The following AP5Z1 variants were observed in gnomAD, a reference collection of about 807,000 sequenced individuals.
AP5Z1 encodes the protein adaptor related protein complex 5 subunit zeta 1.
Under a neutral mutation model 83.0 loss-of-function variants are expected in AP5Z1, and 106 were observed. That is an observed-to-expected ratio of 1.28 (90% CI 1.09 to 1.50). The LOEUF (loss-of-function observed/expected upper bound fraction) is 1.50. AP5Z1 is among the 40% of genes most tolerant of loss of function. AP5Z1 has a pLI of 0.00. For missense variants in AP5Z1, 1,565 were observed against 1,094.2 expected, an observed-to-expected ratio of 1.43 and a Z score of -6.07; for synonymous variants, 751 against 514.1, an observed-to-expected ratio of 1.46 and a Z score of -6.23.
chr7:4,782,868 C>T (rs1359001582), intron 3 of AP5Z1, among the ~76,000 whole-genome samples: 2 of 152,224 alleles, frequency 1.3e-5, no homozygotes, highest in Non-Finnish European at 2.9e-5. Context: ...GCCTCCCAGC[C>T]ACCCAGCCGC....
chr7:4,782,845 C>T (rs924664040), intron 3 of AP5Z1, among the ~76,000 whole-genome samples: 9 of 152,236 alleles, frequency 5.9e-5, no homozygotes, highest in African/African-American at 1.4e-4. Context: ...GTGCACCCCC[C>T]GCCCGGCACG....
Position 4,785,058 on chromosome 7 carries a change from C to G in AP5Z1, c.931+10C>G. ...GAGCAAAGTAACCGACGTGAGTCCC[C>G]CACCCAGGGCACTGGCCTCCCCAGG... On this transcript the variant is annotated intron_variant, in intron 7 of 16. Coordinates refer to ENST00000649063, the MANE Select transcript of AP5Z1 (RefSeq NM_014855.3). 1 of 1,586,632 alleles carries G rather than the reference C, an allele frequency of 6.3e-7. No individual in the cohort carries two copies. Among genetic ancestry groups the G allele is most frequent in the Non-Finnish European group, 8.6e-7 (1 of 1,162,750 alleles).
chr7:4,790,806 C>T lies in AP5Z1; in HGVS notation c.2072C>T (p.Pro691Leu). 1.9e-6 allele frequency: 3 copies of T among 1,609,274 alleles called. No homozygotes were observed. The highest frequency in any genetic ancestry group is 1.7e-6 in the Non-Finnish European group (2 of 1,178,870). ...VTQCRPSAAL[P>L]RCPPQVVTVL... ...CAGTGCCGCCCCTCTGCTGCCCTGC[C>T]CAGGTGTCCCCCCCAGGTGGTCACC... Residue 691 changes from proline to leucine, a missense_variant, in exon 16 of 17, where the codon CCC (proline) becomes CTC (leucine). Physicochemically the swap from Pro to Leu is moderately conservative, Grantham distance 98. Coordinates refer to ENST00000649063, the MANE Select transcript of AP5Z1 (RefSeq NM_014855.3).
At chr7:4,787,128 T>C (rs1583235472) in intron 10 of AP5Z1, among the ~76,000 whole-genome samples, 1 of 152,134 alleles carries the variant, frequency 6.6e-6, no homozygotes, top group South Asian at 2.1e-4. Flanking sequence ...TAAGGTCTTT[T>C]CAACTGAGGT....
intron 2 of AP5Z1, 112 bp downstream of exon 2, chr7:4,781,424 C>A: frequency 6.4e-7 from 1 of 1,562,910 alleles, no homozygotes; most frequent in South Asian, 1.2e-5. Flanking sequence ...CATTTGTCCA[C>A]TTAAACCAGT....
intron 14 of AP5Z1, 200 bp downstream of exon 14, chr7:4,790,129 C>A: frequency 1.4e-6 from 2 of 1,415,488 alleles, no homozygotes; most frequent in Non-Finnish European, 1.9e-6. Flanking sequence ...ACATTCCCGT[C>A]CTTCTTTCTG....
chr7:4,790,891 C>T lies in AP5Z1; in HGVS notation c.2153+4C>T. On this transcript the variant is annotated splice_donor_region_variant and intron_variant, in intron 16 of 16. Transcript: ENST00000649063. ...GGAGCCAAGATCTGATCCCCAGGTG[C>T]CTGGTCAGGGAGGGAGCGAAGCCTT... The T allele has an allele frequency of 6.3e-7, 1 of 1,596,592 alleles. No individual in the cohort carries two copies. The highest frequency in any genetic ancestry group is 8.5e-7 in the Non-Finnish European group (1 of 1,172,530).
In AP5Z1 at chr7:4,789,937, C is replaced by A; in HGVS notation, c.1805+8C>A. On this transcript the variant is annotated splice_region_variant and intron_variant, in intron 14 of 16. Coordinates refer to ENST00000649063, the MANE Select transcript of AP5Z1 (RefSeq NM_014855.3). Reference sequence around the variant, plus strand: ...CGCTGCCGGTGTGCACAGGTAGGTCCCTCCTGCGCTCCTGCCACAGCCCTG... The same window carrying A: ...CGCTGCCGGTGTGCACAGGTAGGTCACTCCTGCGCTCCTGCCACAGCCCTG... 1 of 1,525,224 alleles carries A rather than the reference C, an allele frequency of 6.6e-7. No homozygotes were observed. Among genetic ancestry groups the A allele is most frequent in the Non-Finnish European group, 8.8e-7 (1 of 1,130,778 alleles). 94.5% of individuals were successfully genotyped at this position (1,525,224 alleles called of 1,614,324 possible).
intron 6 of AP5Z1, among the ~76,000 whole-genome samples, chr7:4,784,645 C>T (rs1461119145): frequency 1.3e-5 from 2 of 152,168 alleles, no homozygotes; most frequent in Non-Finnish European, 2.9e-5. Flanking sequence ...TTAAGGCAGG[C>T]ACCCTTAAGG....
intron 13 of AP5Z1, among the ~76,000 whole-genome samples, chr7:4,789,368 C>T (rs1012030984): frequency 6.6e-6 from 1 of 152,126 alleles, no homozygotes; most frequent in African/African-American, 2.4e-5. Flanking sequence ...AGTTTGTCCC[C>T]CTGCTGCCCC....
At chr7:4,787,441 GCAC>G (rs1781582749) in intron 10 of AP5Z1, among the ~76,000 whole-genome samples, 190 bp from the exon 11 acceptor site, 1 of 152,068 alleles carries the variant, frequency 6.6e-6, no homozygotes, top group Non-Finnish European at 1.5e-5. Flanking sequence ...AGCTATGATT[GCAC>G]CACTGCACTC....
intron 11 of AP5Z1, 151 bp from the exon 12 acceptor site, chr7:4,788,003 C>T (rs574100914): frequency 2.3e-6 from 3 of 1,309,464 alleles, no homozygotes; most frequent in African/African-American, 1.5e-5. Flanking sequence ...CACCCGTCTT[C>T]ACGCCCAGGC....
intron 1 of AP5Z1, among the ~76,000 whole-genome samples, chr7:4,778,590 T>C (rs1006956454): frequency 1.3e-5 from 2 of 151,698 alleles, no homozygotes; most frequent in African/African-American, 2.4e-5. Context: ...AGTGGGGAGC[T>C]GTTGAAGGGT....
intron 14 of AP5Z1, 162 bp downstream of exon 14, chr7:4,790,091 C>G: frequency 1.5e-6 from 2 of 1,318,782 alleles, no homozygotes; most frequent in Non-Finnish European, 2.0e-6. Context: ...CACACCCAGC[C>G]CCAGGCACTT....
Position 4,785,396 on chromosome 7 carries a change from CTT to C in AP5Z1, c.932-15_932-14del. ...CTAAGGCTGAGACAGAGCCGGCTGA[CTT>C]TTTCCCCTCCTTCCAGGAGCCCTGA... On this transcript the variant is annotated splice_polypyrimidine_tract_variant and intron_variant, in intron 7 of 16. Coordinates refer to ENST00000649063, the MANE Select transcript of AP5Z1 (RefSeq NM_014855.3). 6.2e-7 allele frequency: 1 copy of C among 1,612,342 alleles called. No individual in the cohort carries two copies. Among genetic ancestry groups the C allele is most frequent in the African/African-American group, 1.3e-5 (1 of 75,058 alleles).
At chr7:4,790,162 T>C in intron 14 of AP5Z1, 1 of 1,517,378 alleles carries the variant, frequency 6.6e-7, no homozygotes, top group South Asian at 1.2e-5. Context: ...TCTTCAGGGT[T>C]AGCTCAGGTC....
rs769272823 is a variant in AP5Z1, at chr7:4,785,431, G to C, written c.948G>C (p.Gly316=). ...EQSNRRALRK[G]DSDLQKACLV... Reference sequence around the variant, plus strand: ...TCCTTCCAGGAGCCCTGAGGAAGGGGGACTCCGACCTGCAGAAAGCTGTAA... The same window carrying C: ...TCCTTCCAGGAGCCCTGAGGAAGGGCGACTCCGACCTGCAGAAAGCTGTAA... The change falls in exon 8 of 17, where the codon GGG becomes GGC. Residue 316 remains glycine, a synonymous_variant. Coordinates refer to ENST00000649063, the MANE Select transcript of AP5Z1 (RefSeq NM_014855.3). 57 of 1,613,286 alleles carry C rather than the reference G, an allele frequency of 3.5e-5. No homozygotes were observed. Among genetic ancestry groups the C allele is most frequent in the Non-Finnish European group, 4.7e-5 (55 of 1,179,678 alleles).
Position 4,787,728 on chromosome 7 carries a change from C to T in AP5Z1, c.1406C>T (p.Ala469Val), listed in dbSNP as rs181396911. The T allele has an allele frequency of 2.7e-5, 42 of 1,548,340 alleles. No individual in the cohort carries two copies. The highest frequency in any genetic ancestry group is 1.3e-4 in the South Asian group (11 of 84,234). ...DAGTALEMLH[A>V]LLDLPCLTAV... ...GGCACAGCCCTGGAGATGCTGCACG[C>T]GCTGCTGGACCTGCCCTGCTTGACG... Residue 469 changes from alanine to valine, a missense_variant, in exon 11 of 17, where the codon GCG (alanine) becomes GTG (valine). Ala to Val is a moderately conservative substitution (Grantham distance 64, BLOSUM62 0). Transcript: ENST00000649063.
In AP5Z1 at chr7:4,793,629, G is replaced by A. The variant is rs117144087; in HGVS notation, c.*2244G>A. On this transcript the variant is annotated 3_prime_UTR_variant, in exon 17 of 17. Transcript: ENST00000649063. ...TGTGGGCCCCGCACTCGGAGCCGCC[G>A]GCTAGCCCCGCCAGCCTGGGCAGTG... 0.017 allele frequency: 2,447 copies of A among 141,914 alleles called. 33 individuals carry two copies. Among genetic ancestry groups the A allele is most frequent in the Middle Eastern group, 0.064 (17 of 266 alleles). The allele number at this position is 141,914 out of a possible 1,614,324, so 8.8% of individuals were successfully genotyped here. A position where few individuals can be genotyped will look rare whatever the true frequency, so the allele number is the denominator to read the frequency against.
Sources: allele counts gnomAD v4.1 joint callset (sites outside exome capture counted in the v4.1 genomes callset), GRCh38; gene constraint gnomAD v4.1.1; transcripts MANE v1.5; gene names NCBI Gene and HGNC (gene_info 2026-07-23, HGNC 2026-07-21).